MAPK10: variants seen among roughly 807,000 people sequenced by gnomAD.
MAPK10 encodes mitogen-activated protein kinase 10, also known as JNK3 alpha protein kinase.
In MAPK10, 25 loss-of-function variants were observed where a neutral mutation model predicts 59.3. That is an observed-to-expected ratio of 0.42 (90% CI 0.31 to 0.59). The LOEUF (loss-of-function observed/expected upper bound fraction) is 0.59, where lower values mean the gene tolerates loss of function less well. Among genes scored for constraint, MAPK10 ranks in the 20% least tolerant of loss-of-function variants. The probability of loss-of-function intolerance (pLI) is 0.15; values close to 1 mark genes in which losing one functional copy is unlikely to be tolerated. For missense variants in MAPK10, 351 were observed against 568.9 expected (o/e 0.62, Z 3.90); for synonymous variants, 190 against 200.5 (o/e 0.95, Z 0.44).
intron 5 of MAPK10, 64 bp downstream of exon 5, chr4:86,107,159 C>T: frequency 7.5e-7 from 1 of 1,338,328 alleles, no homozygotes. Flanking sequence ...CAAGTACAGA[C>T]ACATTTTCTT....
At chr4:86,108,845 A>T (rs566133301) in intron 4 of MAPK10, among the ~76,000 whole-genome samples, 1 of 152,206 alleles carries the variant, frequency 6.6e-6, no homozygotes, top group Non-Finnish European at 1.5e-5. Flanking sequence ...GGCTGCACAC[A>T]ATGCGTGGCC....
At chr4:86,036,598 T>C (rs1276574044) in intron 11 of MAPK10, among the ~76,000 whole-genome samples, 9 of 152,312 alleles carry the variant, frequency 5.9e-5, no homozygotes, top group South Asian at 2.1e-4. Context: ...AGCTAATTAA[T>C]GATGAAACTT....
At chr4:86,022,550 C>A (rs1747789455) in intron 13 of MAPK10, among the ~76,000 whole-genome samples, 1 of 151,982 alleles carries the variant, frequency 6.6e-6, no homozygotes, top group Non-Finnish European at 1.5e-5. Context: ...AGTCGCCCAG[C>A]CTGTAGCACA....
intron 2 of MAPK10, among the ~76,000 whole-genome samples, chr4:86,247,852 T>C (rs2093196136): frequency 6.6e-6 from 1 of 152,246 alleles, no homozygotes; most frequent in East Asian, 1.9e-4. Context: ...TATGGAAGTG[T>C]TGGGAATGTA....
In MAPK10 at chr4:86,481,153, T is replaced by A. The variant is rs189017366; in HGVS notation, c.-263+112757A>T. On this transcript the variant is annotated intron_variant, in intron 1 of 4. Transcript: ENST00000502302. Reference sequence around the variant, plus strand: ...AACCAGTGGAAGGTTAGAATGATATTTCTAGGTTTTGTAGCTGTCTTTGGA... The same window carrying A: ...AACCAGTGGAAGGTTAGAATGATATATCTAGGTTTTGTAGCTGTCTTTGGA... Among the ~76,000 whole-genome samples the A allele has an allele frequency of 2.5e-3, 386 of 152,286 alleles. 7 individuals carry two copies. The highest frequency in any genetic ancestry group is 2.9e-4 in the Non-Finnish European group (20 of 68,022).
upstream of MAPK10, among the ~76,000 whole-genome samples, chr4:86,360,742 C>T (rs1184689675): frequency 6.6e-6 from 1 of 151,952 alleles, no homozygotes; most frequent in Admixed American, 6.6e-5. Context: ...GCAAATATCG[C>T]AATTTTATTT....
At chr4:86,566,755 T>C (rs1260426119) in intron 1 of MAPK10, among the ~76,000 whole-genome samples, 2 of 151,414 alleles carry the variant, frequency 1.3e-5, no homozygotes, top group Non-Finnish European at 2.9e-5. Context: ...TCATCACCAA[T>C]GTCCTTAATT....
In MAPK10 at chr4:86,259,642, T is replaced by C. The variant is rs76004614; in HGVS notation, c.-6-65235A>G. Among the ~76,000 whole-genome samples, 661 of 152,220 alleles carry C rather than the reference T, an allele frequency of 4.3e-3. 5 individuals are homozygous for C. The highest frequency in any genetic ancestry group is 0.015 in the African/African-American group (635 of 41,564). On this transcript the variant is annotated intron_variant, in intron 2 of 13. Coordinates refer to ENST00000641462, the MANE Select transcript of MAPK10 (RefSeq NM_138982.4). ...CAAAGAAAGCCTTGCTTTCATATCT[T>C]AGTGATGCTTTTTCTATAATTTTGA...
intron 3 of MAPK10, among the ~76,000 whole-genome samples, chr4:86,162,819 T>C (rs1016150153): frequency 1.3e-5 from 2 of 152,096 alleles, no homozygotes; most frequent in Non-Finnish European, 2.9e-5. Context: ...CAACTAAAAA[T>C]ATCCCTGAAC....
In MAPK10 at chr4:86,028,942, T is replaced by C. The variant is rs185966751; in HGVS notation, c.1252+255A>G. On this transcript the variant is annotated intron_variant, in intron 13 of 13. Coordinates refer to ENST00000641462, the MANE Select transcript of MAPK10 (RefSeq NM_138982.4). ...TTTACCCTTTAGCCCATGTTAACAT[T>C]TTCTTCAGGATTCATTACTATTAAA... The C allele has an allele frequency of 1.3e-4, 66 of 492,340 alleles. No individual in the cohort carries two copies. The East Asian group carries it at 2.4e-3, about 18-fold the overall frequency. The allele number at this position is 492,340 out of a possible 1,614,324, so 30.5% of individuals were successfully genotyped here. A position where few individuals can be genotyped will look rare whatever the true frequency, so the allele number is the denominator to read the frequency against.
At chr4:86,505,678 G>A (rs1476484388) in intron 1 of MAPK10, among the ~76,000 whole-genome samples, 1 of 152,022 alleles carries the variant, frequency 6.6e-6, no homozygotes, top group Admixed American at 6.6e-5. Context: ...TCTTTTATAG[G>A]TGTCTTTCCA....
intron 1 of MAPK10, among the ~76,000 whole-genome samples, chr4:86,429,482 T>A (rs562195790): frequency 3.3e-5 from 5 of 152,276 alleles, no homozygotes; most frequent in East Asian, 3.9e-4. Context: ...TATAATTAGA[T>A]CATTATCTAA....
upstream of MAPK10, among the ~76,000 whole-genome samples, chr4:86,456,498 A>G (rs1751238475): frequency 6.6e-6 from 1 of 152,164 alleles, no homozygotes; most frequent in Non-Finnish European, 1.5e-5. Flanking sequence ...CCACAGAAAT[A>G]CAAAAGATCA....
At chr4:86,120,083 A>G (rs1388315730) in intron 4 of MAPK10, 1 of 152,256 alleles carries the variant, frequency 6.6e-6, no homozygotes, top group East Asian at 1.9e-4. Flanking sequence ...GCAGTAAGTC[A>G]TGGCTAAATA....
At chr4:86,553,584 T>C (rs1760025494) in intron 1 of MAPK10, among the ~76,000 whole-genome samples, 1 of 152,296 alleles carries the variant, frequency 6.6e-6, no homozygotes, top group Admixed American at 6.5e-5. Flanking sequence ...AGGGTCTCCC[T>C]GTCCCCAAGG....
At chr4:86,073,333 T>C (rs1440512016) in intron 9 of MAPK10, among the ~76,000 whole-genome samples, 1 of 151,810 alleles carries the variant, frequency 6.6e-6, no homozygotes, top group Non-Finnish European at 1.5e-5. Flanking sequence ...GTTGATCCTT[T>C]CAAAAAACCA....
rs59285334 is a variant in MAPK10 at position 86,517,737 on chromosome 4, G to A, written c.-263+76173C>T. Among the ~76,000 whole-genome samples, 200 of 152,222 alleles carry A rather than the reference G, an allele frequency of 1.3e-3. 1 individual carries two copies. Among genetic ancestry groups the A allele is most frequent in the African/African-American group, 4.6e-3 (193 of 41,530 alleles). Reference sequence around the variant, plus strand: ...TACTGGGTTCATAGAATGATTTGGGGAGGATTGCCTCTATCTGTATCTATT... The same window carrying A: ...TACTGGGTTCATAGAATGATTTGGGAAGGATTGCCTCTATCTGTATCTATT... On this transcript the variant is annotated intron_variant, in intron 1 of 4. Transcript: ENST00000502302.
At chr4:86,222,946 T>C (rs775926022) in intron 2 of MAPK10, among the ~76,000 whole-genome samples, 1 of 152,188 alleles carries the variant, frequency 6.6e-6, no homozygotes, top group Non-Finnish European at 1.5e-5. Flanking sequence ...AAATGTGCCA[T>C]TGTCCCCCAC....
At chr4:86,548,481 A>T (rs1267744429) in intron 1 of MAPK10, among the ~76,000 whole-genome samples, 1 of 152,132 alleles carries the variant, frequency 6.6e-6, no homozygotes, top group Non-Finnish European at 1.5e-5. Context: ...CTCTGTCCCC[A>T]CTAAATTTCA....
Sources: allele counts gnomAD v4.1 joint callset (sites outside exome capture counted in the v4.1 genomes callset), GRCh38; gene constraint gnomAD v4.1.1; transcripts MANE v1.5; gene names NCBI Gene and HGNC (gene_info 2026-07-23, HGNC 2026-07-21).